Variants in RIMS2 observed in about 807,000 individuals in gnomAD.
RIMS2 encodes regulating synaptic membrane exocytosis 2.
Under a neutral mutation model 174.4 loss-of-function variants are expected in RIMS2, and 59 were observed. That is an observed-to-expected ratio of 0.34 (90% CI 0.27 to 0.42). The LOEUF (loss-of-function observed/expected upper bound fraction) is 0.42. RIMS2 is among the 10% of genes least tolerant of loss of function. The probability of loss-of-function intolerance (pLI) is 1.00; values close to 1 mark genes in which losing one functional copy is unlikely to be tolerated. For missense variants in RIMS2, 1,620 were observed against 1,666.3 expected, an observed-to-expected ratio of 0.97 and a Z score of 0.48; for synonymous variants, 606 against 572.5, an observed-to-expected ratio of 1.06 and a Z score of -0.84.
intron 3 of RIMS2, among the ~76,000 whole-genome samples, chr8:103,788,166 A>G (rs1477533033): frequency 6.7e-6 from 1 of 148,920 alleles, no homozygotes; most frequent in Non-Finnish European, 1.5e-5. Context: ...CTAGTTATAC[A>G]TTCTTCTAAA....
At chr8:104,146,031 C>G (rs1261771611) in intron 19 of RIMS2, among the ~76,000 whole-genome samples, 1 of 151,562 alleles carries the variant, frequency 6.6e-6, no homozygotes, top group Non-Finnish European at 1.5e-5. Flanking sequence ...CTCTAAGTTT[C>G]AAGGAAATAA....
chr8:103,540,678 A>G (rs1173967983), intron 1 of RIMS2, among the ~76,000 whole-genome samples: 1 of 152,246 alleles, frequency 6.6e-6, no homozygotes, highest in East Asian at 1.9e-4. Flanking sequence ...AAATGGAGCT[A>G]TATAAGCCTG....
intron 1 of RIMS2, among the ~76,000 whole-genome samples, chr8:103,619,169 A>T (rs2095575364): frequency 6.6e-6 from 1 of 152,074 alleles, no homozygotes; most frequent in Non-Finnish European, 1.5e-5. Flanking sequence ...TAACAAGAGA[A>T]CCAAAACCAA....
Position 104,067,945 on chromosome 8 carries a change from A to C in RIMS2, c.3334+53330A>C, listed in dbSNP as rs555897772. On this transcript the variant is annotated intron_variant, in intron 19 of 23. Coordinates refer to ENST00000504942, the Ensembl canonical transcript of RIMS2. ...TGTGCCTTTACTGGCATGGTATGCT[A>C]TCAGCAGTATTATTACAAGAACCTC... Among the ~76,000 whole-genome samples, 14 of 152,286 alleles carry C rather than the reference A, an allele frequency of 9.2e-5. No individual in the cohort carries two copies. The East Asian group carries it at 2.7e-3, about 29-fold the overall frequency.
chr8:104,091,641 A>C (rs2097660706), intron 19 of RIMS2, among the ~76,000 whole-genome samples: 1 of 150,086 alleles, frequency 6.7e-6, no homozygotes, highest in South Asian at 2.1e-4. Flanking sequence ...ATTATTGTAT[A>C]GTGTACATAT....
chr8:104,212,331 T>G (rs961909550), intron 19 of RIMS2, among the ~76,000 whole-genome samples: 1 of 152,124 alleles, frequency 6.6e-6, no homozygotes, highest in African/African-American at 2.4e-5. Context: ...GAGGTGTACA[T>G]TTGATAGAAG....
At chr8:104,049,525 G>T (rs1427958478) in intron 19 of RIMS2, among the ~76,000 whole-genome samples, 3 of 152,148 alleles carry the variant, frequency 2.0e-5, no homozygotes, top group Non-Finnish European at 2.9e-5. Context: ...CTGTTTAGAG[G>T]CATGTTGGTA....
At chr8:103,636,272 C>T (rs182913429) in intron 1 of RIMS2, among the ~76,000 whole-genome samples, 1 of 152,086 alleles carries the variant, frequency 6.6e-6, no homozygotes, top group Admixed American at 6.5e-5. Flanking sequence ...CAGTCTCTTT[C>T]CTAGGGGTGT....
chr8:103,719,811 C>T (rs1413878076), intron 2 of RIMS2, among the ~76,000 whole-genome samples: 3 of 152,126 alleles, frequency 2.0e-5, no homozygotes, highest in Non-Finnish European at 2.9e-5. Flanking sequence ...CTGACCTAGG[C>T]ATGTCTAGTG....
At chr8:104,086,802 G>A (rs2097544399) in intron 19 of RIMS2, among the ~76,000 whole-genome samples, 1 of 152,084 alleles carries the variant, frequency 6.6e-6, no homozygotes, top group Admixed American at 6.6e-5. Context: ...GGTCCAAGGT[G>A]AACTTTAAAT....
At chr8:103,588,595 A>G (rs1195459903) in intron 1 of RIMS2, among the ~76,000 whole-genome samples, 1 of 152,014 alleles carries the variant, frequency 6.6e-6, no homozygotes, top group East Asian at 1.9e-4. Context: ...AGAACCCAGA[A>G]AGAAATCCAT....
intron 1 of RIMS2, among the ~76,000 whole-genome samples, chr8:103,632,964 A>G (rs1317710065): frequency 2.8e-5 from 4 of 144,278 alleles, no homozygotes; most frequent in Non-Finnish European, 6.0e-5. Flanking sequence ...CTATCTCCTG[A>G]CCCTGTGATC....
intron 19 of RIMS2, among the ~76,000 whole-genome samples, chr8:104,100,965 A>ATATTT (rs2097872523): frequency 7.2e-6 from 1 of 138,226 alleles, no homozygotes; most frequent in African/African-American, 2.8e-5. Context: ...ATGATATATT[A>ATATTT]TATAGTATAT....
At chr8:103,628,768 A>G (rs1241005136) in intron 1 of RIMS2, among the ~76,000 whole-genome samples, 1 of 151,866 alleles carries the variant, frequency 6.6e-6, no homozygotes, top group African/African-American at 2.4e-5. Context: ...AAAAAAAAAA[A>G]AAAAGGTCCC....
intron 3 of RIMS2, among the ~76,000 whole-genome samples, chr8:103,769,279 C>T (rs893782657): frequency 6.6e-6 from 1 of 152,110 alleles, no homozygotes; most frequent in African/African-American, 2.4e-5. Context: ...GTAATTAATT[C>T]ATCATAGACA....
intron 11 of RIMS2, chr8:103,928,027 A>T: frequency 1.5e-6 from 1 of 648,098 alleles, no homozygotes; most frequent in East Asian, 2.9e-5. Flanking sequence ...TCATTTTATT[A>T]GCCAGCTTGT....
intron 19 of RIMS2, among the ~76,000 whole-genome samples, chr8:104,079,510 A>T (rs1037912246): frequency 1.3e-5 from 2 of 150,096 alleles, no homozygotes; most frequent in Admixed American, 6.7e-5. Context: ...ATCAGGGAGG[A>T]TATGGGAAAA....
At chr8:103,729,029 T>C (rs1197602336) in intron 2 of RIMS2, among the ~76,000 whole-genome samples, 1 of 152,052 alleles carries the variant, frequency 6.6e-6, no homozygotes, top group Non-Finnish European at 1.5e-5. Flanking sequence ...TTTTGGCCTT[T>C]AGTTTTTTTG....
intron 19 of RIMS2, among the ~76,000 whole-genome samples, chr8:104,171,458 T>A (rs2098831750): frequency 6.6e-6 from 1 of 151,862 alleles, no homozygotes; most frequent in African/African-American, 2.4e-5. Flanking sequence ...TGTATTTCCC[T>A]AAGTGTGTCT....
Sources: gnomAD v4.1 joint callset for allele counts (sites outside exome capture counted in the v4.1 genomes callset) on GRCh38, gnomAD v4.1.1 for gene constraint, MANE v1.5 for transcripts, NCBI Gene and HGNC (gene_info 2026-07-23, HGNC 2026-07-21) for gene names.